The following AKAP19 variants were observed in gnomAD, a reference collection of about 807,000 sequenced individuals.
AKAP19 encodes A-kinase anchoring protein 19, also known as small A-kinase anchoring protein.
chr2:190,060,460 G>A, the AKAP19 span: 2 of 1,596,326 alleles, frequency 1.3e-6, no homozygotes, highest in Admixed American at 3.5e-5. Context: ...GAAAAGAAAA[G>A]TTGCTGAAAT....
chr2:190,018,376 T>A, the AKAP19 span, among the ~76,000 whole-genome samples: 1 of 152,160 alleles, frequency 6.6e-6, no homozygotes, highest in Non-Finnish European at 1.5e-5. Flanking sequence ...TGATTTACAG[T>A]GTTCTATCTT....
At chr2:190,011,050 C>CTTTTTTTTTTTTTTTTTTTTTTTTTTTT in the AKAP19 span, among the ~76,000 whole-genome samples, 1 of 59,552 alleles carries the variant, frequency 1.7e-5, no homozygotes, top group Non-Finnish European at 3.3e-5. Context: ...CTCTCTCTCT[C>CTTTTTTTTTTTTTTTTTTTTTTTTTTTT]TTTTTTTTTT....
the AKAP19 span, among the ~76,000 whole-genome samples, chr2:190,007,305 A>G: frequency 6.6e-6 from 1 of 152,240 alleles, no homozygotes; most frequent in Admixed American, 6.5e-5. Context: ...GGGAACTCAC[A>G]TGACTTCATA....
At chr2:190,138,498 G>A in the AKAP19 span, among the ~76,000 whole-genome samples, 8 of 152,308 alleles carry the variant, frequency 5.3e-5, 1 homozygote, top group South Asian at 1.7e-3. Context: ...AAATACTTAA[G>A]TGTACACTTG....
At chr2:190,059,284 A>G in the AKAP19 span, among the ~76,000 whole-genome samples, 8 of 152,000 alleles carry the variant, frequency 5.3e-5, no homozygotes, top group Admixed American at 6.6e-5. Context: ...AATTTGTACT[A>G]GGAATTAAAA....
the AKAP19 span, among the ~76,000 whole-genome samples, chr2:190,188,251 T>C: frequency 6.6e-6 from 1 of 152,202 alleles, no homozygotes; most frequent in South Asian, 2.1e-4. Flanking sequence ...TATAGACTGG[T>C]TGGATGGTTA....
chr2:190,041,580 A>T, the AKAP19 span, among the ~76,000 whole-genome samples: 1 of 152,174 alleles, frequency 6.6e-6, no homozygotes, highest in Admixed American at 6.5e-5. Context: ...GAGAGAGGGC[A>T]TCCTTGTTTT....
chr2:189,916,705 A>C, the AKAP19 span, among the ~76,000 whole-genome samples: 12 of 152,230 alleles, frequency 7.9e-5, no homozygotes, highest in Non-Finnish European at 1.3e-4. Context: ...GGAATCATAC[A>C]GAATGTAAAC....
the AKAP19 span, among the ~76,000 whole-genome samples, chr2:190,097,164 C>G: frequency 6.6e-6 from 1 of 152,042 alleles, no homozygotes; most frequent in Non-Finnish European, 1.5e-5. Flanking sequence ...ATAGATCAAC[C>G]CATCACCTAG....
chr2:189,889,234 G>A, the AKAP19 span, among the ~76,000 whole-genome samples: 15 of 152,208 alleles, frequency 9.9e-5, no homozygotes, highest in South Asian at 2.1e-4. Context: ...GATGGATTAC[G>A]TTTATTGATT....
At chr2:190,007,155 G>A in the AKAP19 span, among the ~76,000 whole-genome samples, 4 of 152,302 alleles carry the variant, frequency 2.6e-5, no homozygotes, top group African/African-American at 9.6e-5. Flanking sequence ...GGAATGAAAT[G>A]CACTTTATCA....
chr2:189,987,011 T>C, the AKAP19 span, among the ~76,000 whole-genome samples: 1 of 152,002 alleles, frequency 6.6e-6, no homozygotes, highest in Non-Finnish European at 1.5e-5. Context: ...CCGTAAAACT[T>C]TGATGTAGTT....
chr2:189,943,727 G>A, the AKAP19 span, among the ~76,000 whole-genome samples: 1 of 152,358 alleles, frequency 6.6e-6, no homozygotes, highest in Non-Finnish European at 1.5e-5. Flanking sequence ...CAGAGGTGGA[G>A]CTCCCAAGGC....
At chr2:190,181,917 G>C in the AKAP19 span, among the ~76,000 whole-genome samples, 1 of 152,164 alleles carries the variant, frequency 6.6e-6, no homozygotes, top group Non-Finnish European at 1.5e-5. Flanking sequence ...ATCATAAATA[G>C]ATGGCAAATA....
the AKAP19 span, among the ~76,000 whole-genome samples, chr2:190,173,837 C>T: frequency 6.6e-6 from 1 of 152,158 alleles, no homozygotes; most frequent in South Asian, 2.1e-4. Context: ...TCCAAAGAAC[C>T]AATATGTCAG....
the AKAP19 span, among the ~76,000 whole-genome samples, chr2:190,061,570 T>A: frequency 6.6e-6 from 1 of 152,034 alleles, no homozygotes; most frequent in Admixed American, 6.6e-5. Flanking sequence ...ACCTACCCAA[T>A]TAAAATGTTT....
chr2:190,054,638 A>G, the AKAP19 span, among the ~76,000 whole-genome samples: 2 of 152,234 alleles, frequency 1.3e-5, no homozygotes, highest in Admixed American at 1.3e-4. Context: ...CAAATTTACA[A>G]GAATAAAACC....
At chr2:190,099,807 G>A in the AKAP19 span, among the ~76,000 whole-genome samples, 1 of 152,180 alleles carries the variant, frequency 6.6e-6, no homozygotes, top group African/African-American at 2.4e-5. Flanking sequence ...GACTTACCAT[G>A]ATATAACATG....
chr2:190,020,533 T>A, the AKAP19 span, among the ~76,000 whole-genome samples: 1 of 152,216 alleles, frequency 6.6e-6, no homozygotes, highest in Non-Finnish European at 1.5e-5. Flanking sequence ...AAACCATCCT[T>A]TTCCTACTGA....
Sources: gnomAD v4.1 joint callset for allele counts (sites outside exome capture counted in the v4.1 genomes callset) on GRCh38, gnomAD v4.1.1 for gene constraint, MANE v1.5 for transcripts, NCBI Gene and HGNC (gene_info 2026-07-23, HGNC 2026-07-21) for gene names.